The following CCDC169 variants were observed in gnomAD, a reference collection of about 807,000 sequenced individuals.
CCDC169 encodes the protein coiled-coil domain containing 169, also known as coiled-coil domain-containing protein 169.
In CCDC169, 30 loss-of-function variants were observed where a neutral mutation model predicts 36.0. The ratio of observed to expected loss-of-function variants is 0.83; its 90% CI spans 0.62 to 1.13. CCDC169 has a LOEUF of 1.13. CCDC169 is among the 50% of genes most tolerant of loss of function. The pLI, the probability that CCDC169 is intolerant of heterozygous loss-of-function variation, is 0.00. For synonymous variants in CCDC169, 85 were observed against 81.5 expected, an observed-to-expected ratio of 1.04 and a Z score of -0.23; for missense variants, 245 against 245.9, an observed-to-expected ratio of 1.00 and a Z score of 0.03.
At chr13:36,276,517 C>T (rs1269282504) in intron 4 of CCDC169, among the ~76,000 whole-genome samples, 1 of 152,172 alleles carries the variant, frequency 6.6e-6, no homozygotes, top group Non-Finnish European at 1.5e-5. Context: ...CCTTCTCCCC[C>T]ATTCTTTTCA....
downstream of CCDC169, among the ~76,000 whole-genome samples, chr13:36,228,486 A>G (rs1870080930): frequency 6.6e-6 from 1 of 152,184 alleles, no homozygotes; most frequent in Non-Finnish European, 1.5e-5. Flanking sequence ...CAACTACTGA[A>G]GTCAATACAT....
intron 7 of CCDC169, among the ~76,000 whole-genome samples, chr13:36,232,617 G>A (rs1348542728): frequency 2.1e-5 from 3 of 146,196 alleles, no homozygotes; most frequent in Non-Finnish European, 4.6e-5. Flanking sequence ...CCAGTATGAT[G>A]AAACCCCACT....
At chr13:36,269,556 A>G (rs900706291) in intron 4 of CCDC169, among the ~76,000 whole-genome samples, 4 of 152,360 alleles carry the variant, frequency 2.6e-5, no homozygotes, top group South Asian at 2.1e-4. Flanking sequence ...CCAACAGCAC[A>G]TCAAAAAGAT....
chr13:36,272,332 C>T (rs371478579), intron 4 of CCDC169, among the ~76,000 whole-genome samples: 1 of 151,894 alleles, frequency 6.6e-6, no homozygotes, highest in East Asian at 1.9e-4. Context: ...CCATGTTTCG[C>T]AGTAATGGGT....
intron 4 of CCDC169, among the ~76,000 whole-genome samples, chr13:36,265,021 A>C (rs1009683522): frequency 6.6e-6 from 1 of 152,192 alleles, no homozygotes; most frequent in Non-Finnish European, 1.5e-5. Flanking sequence ...TTGATTTATC[A>C]ATCACTGACA....
In CCDC169 at chr13:36,230,987, C is replaced by G; in HGVS notation, c.*206G>C. 7.7e-7 allele frequency: 1 copy of G among 1,304,220 alleles called. No individual in the cohort carries two copies. The highest frequency in any genetic ancestry group is 9.7e-7 in the Non-Finnish European group (1 of 1,027,702). The allele number at this position is 1,304,220 out of a possible 1,614,324, so 80.8% of individuals were successfully genotyped here. ...CCTAGGATATTTTAAAACTCTCAAGCACTTCTATTACATAGTTTAGGGTCA... is the reference window on the plus strand; with the variant it reads ...CCTAGGATATTTTAAAACTCTCAAGGACTTCTATTACATAGTTTAGGGTCA... On this transcript the variant is annotated 3_prime_UTR_variant, in exon 8 of 8. Coordinates refer to ENST00000239859, the MANE Select transcript of CCDC169 (RefSeq NM_001144981.3).
chr13:36,241,936 T>A (rs1360060216), intron 7 of CCDC169, among the ~76,000 whole-genome samples: 1 of 152,120 alleles, frequency 6.6e-6, no homozygotes, highest in East Asian at 1.9e-4. Context: ...CTGGTGATAG[T>A]GGGTTCTCAC....
intron 2 of CCDC169, among the ~76,000 whole-genome samples, chr13:36,293,418 A>G (rs1879136849): frequency 6.6e-6 from 1 of 152,188 alleles, no homozygotes; most frequent in African/African-American, 2.4e-5. Flanking sequence ...ATGACTGCCA[A>G]TAATATATCC....
chr13:36,243,248 T>G (rs1442851086), intron 7 of CCDC169, among the ~76,000 whole-genome samples: 1 of 151,646 alleles, frequency 6.6e-6, no homozygotes, highest in African/African-American at 2.4e-5. Context: ...GCCTGTAATC[T>G]CAGCACTTTG....
intron 7 of CCDC169, among the ~76,000 whole-genome samples, chr13:36,238,234 C>T (rs572324596): frequency 2.0e-5 from 3 of 152,136 alleles, no homozygotes; most frequent in South Asian, 2.1e-4. Flanking sequence ...CATGAATATA[C>T]GAAAAATCAC....
chr13:36,240,778 G>T, intron 7 of CCDC169: 1 of 332,808 alleles, frequency 3.0e-6, no homozygotes. Flanking sequence ...CTTGCTTTCG[G>T]GAATATGATT....
At chr13:36,292,728 G>A (rs1741208584) in intron 2 of CCDC169, among the ~76,000 whole-genome samples, 1 of 152,164 alleles carries the variant, frequency 6.6e-6, no homozygotes, top group African/African-American at 2.4e-5. Flanking sequence ...GAAAAGTGGG[G>A]CCAAAAGAAG....
rs535550558 is a variant in CCDC169 at position 36,274,959 on chromosome 13, G to A, written c.315+8510C>T. On this transcript the variant is annotated intron_variant, in intron 4 of 7. Transcript: ENST00000239859. The stretch of plus-strand genomic sequence containing the variant: ...TCTCTGCTCACTGCAGGCTCCGCCT[G>A]CCAGGTTCACACCATTCTCCTGCCT... Among the ~76,000 whole-genome samples, 279 of 139,312 alleles carry A rather than the reference G, an allele frequency of 2.0e-3. 2 individuals carry two copies. Among genetic ancestry groups the A allele is most frequent in the African/African-American group, 6.7e-3 (249 of 37,212 alleles). 91.4% of individuals were successfully genotyped at this position (139,312 alleles called of 152,430 possible).
At chr13:36,238,044 ATGAC>A (rs1390725857) in intron 7 of CCDC169, among the ~76,000 whole-genome samples, 1 of 152,208 alleles carries the variant, frequency 6.6e-6, no homozygotes, top group Non-Finnish European at 1.5e-5. Flanking sequence ...TAAGGGACAC[ATGAC>A]TGACTGTATA....
intron 4 of CCDC169, among the ~76,000 whole-genome samples, chr13:36,273,888 G>T (rs1363966935): frequency 1.3e-5 from 2 of 152,056 alleles, no homozygotes; most frequent in African/African-American, 2.4e-5. Context: ...TCTTCCTCCA[G>T]CCTCTAACAC....
At chr13:36,273,756 C>G (rs1293733078) in intron 4 of CCDC169, among the ~76,000 whole-genome samples, 2 of 152,192 alleles carry the variant, frequency 1.3e-5, no homozygotes, top group African/African-American at 2.4e-5. Flanking sequence ...GTACTAATTT[C>G]TAAAGCTTTA....
chr13:36,290,467 A>AT lies in CCDC169; in HGVS notation c.163+5310dup, dbSNP rs879769609. On this transcript the variant is annotated intron_variant, in intron 2 of 7. Coordinates refer to ENST00000239859, the MANE Select transcript of CCDC169 (RefSeq NM_001144981.3). ...GTTTGAAACACTGCTAATACTTTAC[A>AT]TTTTTTTTTACCTCCAGAATTTGAA... Among the ~76,000 whole-genome samples the AT allele has an allele frequency of 3.6e-4, 54 of 151,242 alleles. No individual in the cohort carries two copies. The East Asian group carries it at 8.0e-3, about 22-fold the overall frequency.
chr13:36,271,345 C>A (rs1925843), intron 4 of CCDC169, among the ~76,000 whole-genome samples: 1 of 152,058 alleles, frequency 6.6e-6, no homozygotes, highest in Admixed American at 6.5e-5. Flanking sequence ...GAAAACAGTA[C>A]GGAGATTCCT....
In CCDC169 at chr13:36,254,073, T is replaced by C. The variant is rs1001192443; in HGVS notation, c.386A>G (p.Tyr129Cys). Reference sequence around the variant, plus strand: ...TGATTCTTGTTCCAGTTTAAGTGCATAGTATTTCACTTGACTTTCAAGAGT... The same window carrying C: ...TGATTCTTGTTCCAGTTTAAGTGCACAGTATTTCACTTGACTTTCAAGAGT... ...KKTLESQVKY[Y>C]ALKLEQESKA... The change falls in exon 5 of 8, where the codon TAT becomes TGT. Residue 129 changes from tyrosine to cysteine, a missense_variant. By Grantham distance (194) the Tyr-to-Cys change is radical. Transcript: ENST00000239859. 6.5e-7 allele frequency: 1 copy of C among 1,548,840 alleles called. No homozygotes were observed. The highest frequency in any genetic ancestry group is 8.7e-7 in the Non-Finnish European group (1 of 1,146,090).
Sources: allele counts gnomAD v4.1 joint callset (sites outside exome capture counted in the v4.1 genomes callset), GRCh38; gene constraint gnomAD v4.1.1; transcripts MANE v1.5; gene names NCBI Gene and HGNC (gene_info 2026-07-23, HGNC 2026-07-21).